ACVR2A: variants seen among roughly 807,000 people sequenced by gnomAD.
ACVR2A encodes activin A receptor type 2A.
A neutral mutation model predicts 61.4 loss-of-function variants in ACVR2A; 7 were observed. The observed-to-expected ratio is 0.11, with a 90% confidence interval of 0.06 to 0.21. The LOEUF is 0.21. ACVR2A is among the 10% of genes least tolerant of loss of function. ACVR2A has a pLI of 1.00. For missense variants in ACVR2A, 322 were observed against 621.7 expected (o/e 0.52, Z 5.13); for synonymous variants, 193 against 208.3 (o/e 0.93, Z 0.63).
intron 2 of ACVR2A, among the ~76,000 whole-genome samples, chr2:147,897,461 A>G (rs1017449166): frequency 6.6e-5 from 10 of 152,166 alleles, no homozygotes; most frequent in Admixed American, 3.3e-4. Context: ...ATGGAGTCCC[A>G]TAGCTGTTAG....
chr2:147,878,256 TTAAA>T (rs1312329109), intron 1 of ACVR2A, among the ~76,000 whole-genome samples: 2 of 148,612 alleles, frequency 1.3e-5, no homozygotes, highest in African/African-American at 5.3e-5. Context: ...AAGATTTAAA[TTAAA>T]TATACTTTGG....
chr2:147,902,220 C>T (rs961274683), intron 4 of ACVR2A, among the ~76,000 whole-genome samples: 4 of 151,780 alleles, frequency 2.6e-5, no homozygotes, highest in African/African-American at 4.8e-5. Flanking sequence ...GCTTCCCAGG[C>T]GATTCTGGTG....
intron 1 of ACVR2A, among the ~76,000 whole-genome samples, chr2:147,882,766 T>C (rs1686337968): frequency 6.6e-6 from 1 of 152,140 alleles, no homozygotes; most frequent in Admixed American, 6.5e-5. Flanking sequence ...TCTTGTAATG[T>C]TTTGTCAGAC....
At chr2:147,887,861 G>T (rs2105179166) in intron 1 of ACVR2A, among the ~76,000 whole-genome samples, 1 of 152,260 alleles carries the variant, frequency 6.6e-6, no homozygotes, top group Non-Finnish European at 1.5e-5. Context: ...GTGCACTTTG[G>T]GAGAAGGAGG....
At position 147,927,521 on chromosome 2, in the gene ACVR2A, T is replaced by G. The variant is rs1687532082; in HGVS notation, c.*247T>G. On this transcript the variant is annotated 3_prime_UTR_variant, in exon 11 of 11. Transcript: ENST00000241416. ...CTATAAAGAAACTTTTGAAAAAGTG[T>G]ACATGAAGAATGTAGCCCTCTCCAA... is the stretch of plus-strand genomic sequence containing the variant. The G allele has an allele frequency of 8.5e-6, 3 of 352,372 alleles. No homozygotes were observed. The highest frequency in any genetic ancestry group is 9.7e-5 in the Admixed American group (2 of 20,530). The allele number at this position is 352,372 out of a possible 1,614,324, so 21.8% of individuals were successfully genotyped here. A position where few individuals can be genotyped will look rare whatever the true frequency, so the allele number is the denominator to read the frequency against.
At chr2:147,884,552 A>G (rs983269780) in intron 1 of ACVR2A, among the ~76,000 whole-genome samples, 7 of 152,184 alleles carry the variant, frequency 4.6e-5, no homozygotes, top group African/African-American at 9.6e-5. Context: ...GAAGTGAAGC[A>G]TAGGATAATT....
chr2:147,898,093 T>G (rs1442140897), intron 2 of ACVR2A: 1 of 152,228 alleles, frequency 6.6e-6, no homozygotes, highest in African/African-American at 2.4e-5. Flanking sequence ...TGAGCCATTT[T>G]CACTGGAGTC....
intron 8 of ACVR2A, among the ~76,000 whole-genome samples, chr2:147,922,755 A>G (rs538390155): frequency 2.1e-4 from 32 of 152,204 alleles, no homozygotes; most frequent in African/African-American, 7.0e-4. Context: ...GATTACATCC[A>G]GAAAGGGGAA....
intron 1 of ACVR2A, among the ~76,000 whole-genome samples, chr2:147,882,420 G>A (rs892312496): frequency 3.3e-5 from 5 of 152,170 alleles, no homozygotes; most frequent in Middle Eastern, 3.2e-3. Flanking sequence ...GTGTGGTGGC[G>A]TGCGCCTGTA....
At chr2:147,885,574 A>G (rs1388051690) in intron 1 of ACVR2A, among the ~76,000 whole-genome samples, 3 of 152,140 alleles carry the variant, frequency 2.0e-5, no homozygotes, top group Non-Finnish European at 4.4e-5. Context: ...AAAACCAACC[A>G]TCTTAGAATC....
At chr2:147,879,251 A>G (rs1686236270) in intron 1 of ACVR2A, among the ~76,000 whole-genome samples, 1 of 152,168 alleles carries the variant, frequency 6.6e-6, no homozygotes, top group Non-Finnish European at 1.5e-5. Context: ...TTCTTCTCTT[A>G]CAGTTCTGGA....
intron 1 of ACVR2A, among the ~76,000 whole-genome samples, chr2:147,848,034 A>G (rs1685356876): frequency 1.3e-5 from 2 of 152,168 alleles, no homozygotes; most frequent in African/African-American, 4.8e-5. Flanking sequence ...GGAAATGGAA[A>G]TATGGTAATT....
At chr2:147,887,595 A>G (rs1686473060) in intron 1 of ACVR2A, among the ~76,000 whole-genome samples, 1 of 152,188 alleles carries the variant, frequency 6.6e-6, no homozygotes, top group Admixed American at 6.5e-5. Flanking sequence ...TATTTTTATA[A>G]AAATTAATTT....
At position 147,881,602 on chromosome 2, in the gene ACVR2A, A is replaced by T. The variant is rs889107159; in HGVS notation, c.56-14699A>T. ...TTTTTCTCCTCTCAAGAAGCTGCTT[A>T]GTGTGTGTGTGTGTGTGTGTGTGTG... On this transcript the variant is annotated intron_variant, in intron 1 of 10. Coordinates refer to ENST00000241416, the MANE Select transcript of ACVR2A (RefSeq NM_001616.5). Among the ~76,000 whole-genome samples the T allele has an allele frequency of 5.5e-4, 45 of 81,476 alleles. No individual in the cohort carries two copies. The East Asian group carries it at 0.01, about 19-fold the overall frequency. The allele number at this position is 81,476 out of a possible 152,430, so 53.5% of individuals were successfully genotyped here. A position where few individuals can be genotyped will look rare whatever the true frequency, so the allele number is the denominator to read the frequency against.
intron 1 of ACVR2A, among the ~76,000 whole-genome samples, chr2:147,885,661 A>G (rs1686412051): frequency 6.6e-6 from 1 of 152,150 alleles, no homozygotes; most frequent in African/African-American, 2.4e-5. Context: ...TGTTTCTCAG[A>G]ACAACTTAAA....
chr2:147,865,161 A>T (rs1685822131), intron 1 of ACVR2A, among the ~76,000 whole-genome samples: 1 of 152,062 alleles, frequency 6.6e-6, no homozygotes, highest in Non-Finnish European at 1.5e-5. Flanking sequence ...GAGGATAGGG[A>T]TTGTGGCCCT....
At chr2:147,923,151 T>G in intron 9 of ACVR2A, 40 bp downstream of exon 9, 1 of 1,571,516 alleles carries the variant, frequency 6.4e-7, no homozygotes, top group African/African-American at 1.4e-5. Flanking sequence ...TATATATGCC[T>G]ACCACACATA....
At chr2:147,910,377 T>C (rs1430245872) in intron 4 of ACVR2A, among the ~76,000 whole-genome samples, 1 of 152,142 alleles carries the variant, frequency 6.6e-6, no homozygotes, top group East Asian at 1.9e-4. Context: ...TTGGAAACCA[T>C]AGTCTACTTA....
chr2:147,920,093 TCTCA>T (rs1383297154), intron 7 of ACVR2A, 133 bp from the exon 8 acceptor site: 6 of 614,470 alleles, frequency 9.8e-6, no homozygotes, highest in South Asian at 2.1e-5. Flanking sequence ...GCTTTGTTTG[TCTCA>T]CTTTCTCTGC....
Sources: allele counts gnomAD v4.1 joint callset (sites outside exome capture counted in the v4.1 genomes callset), GRCh38; gene constraint gnomAD v4.1.1; transcripts MANE v1.5; gene names NCBI Gene and HGNC (gene_info 2026-07-23, HGNC 2026-07-21).